Variants in PDE4D observed in about 807,000 individuals in gnomAD.
PDE4D encodes phosphodiesterase 4D.
In PDE4D, 24 loss-of-function variants were observed where a neutral mutation model predicts 87.4. That is an observed-to-expected ratio of 0.27 (90% confidence interval 0.20 to 0.39). The LOEUF is 0.39. PDE4D is among the 10% of genes least tolerant of loss of function. The pLI is 1.00. For synonymous variants in PDE4D, 384 were observed against 383.2 expected, an observed-to-expected ratio of 1.00 and a Z score of -0.02; for missense variants, 714 against 1,041.0, an observed-to-expected ratio of 0.69 and a Z score of 4.32.
intron 2 of PDE4D, among the ~76,000 whole-genome samples, chr5:60,099,034 A>G (rs189131708): frequency 1.3e-5 from 2 of 151,978 alleles, no homozygotes; most frequent in Non-Finnish European, 2.9e-5. Flanking sequence ...GAATGATTTT[A>G]TGTCTCTTCA....
chr5:59,395,139 C>T (rs1169609058), intron 1 of PDE4D, among the ~76,000 whole-genome samples: 2 of 151,704 alleles, frequency 1.3e-5, no homozygotes, highest in Non-Finnish European at 2.9e-5. Context: ...TGCAAGGCAG[C>T]GGCGAGGCTG....
intron 1 of PDE4D, among the ~76,000 whole-genome samples, chr5:59,804,273 T>C (rs1016837133): frequency 3.3e-5 from 5 of 152,240 alleles, no homozygotes; most frequent in Non-Finnish European, 7.3e-5. Flanking sequence ...AACATGATAT[T>C]TGGTTTTCCA....
At chr5:59,859,361 T>A (rs1381565844) in intron 1 of PDE4D, among the ~76,000 whole-genome samples, 1 of 152,186 alleles carries the variant, frequency 6.6e-6, no homozygotes, top group Non-Finnish European at 1.5e-5. Context: ...TGGTTTCTAA[T>A]GGTCATACTT....
At chr5:60,358,107 C>T (rs948166967) in intron 1 of PDE4D, among the ~76,000 whole-genome samples, 2 of 152,152 alleles carry the variant, frequency 1.3e-5, no homozygotes, top group Non-Finnish European at 2.9e-5. Flanking sequence ...AAGGGGAACC[C>T]AGGCAGTCTG....
In PDE4D at chr5:59,206,155, G is replaced by T. The variant is rs1412944076; in HGVS notation, c.647+9622C>A. Among the ~76,000 whole-genome samples the T allele has an allele frequency of 3.4e-5, 5 of 148,524 alleles. No homozygotes were observed. The East Asian group carries it at 7.7e-4, about 23-fold the overall frequency. The stretch of plus-strand genomic sequence containing the variant: ...TAGGTGGACACAAAGCCTAGGAGAT[G>T]CTGCAGTAGGCAGACGGAATAATTG... On this transcript the variant is annotated intron_variant, in intron 2 of 14. Transcript: ENST00000340635.
chr5:59,061,029 G>A (rs1763039340), intron 5 of PDE4D, among the ~76,000 whole-genome samples: 1 of 152,080 alleles, frequency 6.6e-6, no homozygotes, highest in South Asian at 2.1e-4. Flanking sequence ...TAATAAGGAT[G>A]TTCATATATT....
intron 1 of PDE4D, among the ~76,000 whole-genome samples, chr5:59,392,771 C>T (rs1029710026): frequency 6.6e-6 from 1 of 152,044 alleles, no homozygotes; most frequent in African/African-American, 2.4e-5. Context: ...CTGGCTCCTG[C>T]AGATATGTGA....
rs192730665 is a variant in PDE4D at position 59,538,818 on chromosome 5, G to A, written c.456-322850C>T. Among the ~76,000 whole-genome samples, 22 of 152,246 alleles carry A rather than the reference G, an allele frequency of 1.4e-4. No individual in the cohort carries two copies. The East Asian group carries it at 4.1e-3, about 28-fold the overall frequency. Reference sequence around the variant, plus strand: ...TCTCCCATCATTCTCCAGAGCATGTGCAACTGTCCTCTCTGCACCCTAAAC... The same window carrying A: ...TCTCCCATCATTCTCCAGAGCATGTACAACTGTCCTCTCTGCACCCTAAAC... On this transcript the variant is annotated intron_variant, in intron 1 of 14. Transcript: ENST00000340635.
intron 1 of PDE4D, among the ~76,000 whole-genome samples, chr5:59,733,464 A>G (rs150397063): frequency 2.0e-5 from 3 of 152,186 alleles, no homozygotes; most frequent in East Asian, 1.9e-4. Flanking sequence ...CCATACCCCA[A>G]TAAGGATGTA....
chr5:59,472,937 A>G (rs1456710507), intron 1 of PDE4D, among the ~76,000 whole-genome samples: 1 of 152,106 alleles, frequency 6.6e-6, no homozygotes, highest in African/African-American at 2.4e-5. Flanking sequence ...TACTTACATA[A>G]GATCCTCTCT....
At chr5:59,219,586 T>C (rs540632226) in intron 1 of PDE4D, among the ~76,000 whole-genome samples, 226 of 152,256 alleles carry the variant, frequency 1.5e-3, no homozygotes, top group Middle Eastern at 0.01. Flanking sequence ...CCTATGTCCT[T>C]AGATCAGCAC....
intron 2 of PDE4D, among the ~76,000 whole-genome samples, chr5:60,019,148 A>T (rs527663798): frequency 6.6e-6 from 1 of 152,334 alleles, no homozygotes; most frequent in Non-Finnish European, 1.5e-5. Flanking sequence ...ACCACATCAC[A>T]GTCAAACTGG....
At chr5:60,135,085 G>A (rs1779923188) in intron 2 of PDE4D, among the ~76,000 whole-genome samples, 2 of 152,162 alleles carry the variant, frequency 1.3e-5, no homozygotes, top group African/African-American at 4.8e-5. Context: ...TATATTCTAA[G>A]ACCTAATCAC....
intron 1 of PDE4D, among the ~76,000 whole-genome samples, chr5:59,704,745 C>A (rs917779183): frequency 6.6e-6 from 1 of 152,142 alleles, no homozygotes; most frequent in Non-Finnish European, 1.5e-5. Context: ...ATGAACAAGG[C>A]ATTCAGTAGG....
intron 1 of PDE4D, among the ~76,000 whole-genome samples, chr5:59,384,434 T>A (rs1308525583): frequency 6.6e-6 from 1 of 152,052 alleles, no homozygotes; most frequent in Non-Finnish European, 1.5e-5. Context: ...GCCAGAAGGA[T>A]CAACAAAGTC....
chr5:59,750,685 C>T (rs1019235752), intron 1 of PDE4D, among the ~76,000 whole-genome samples: 8 of 152,100 alleles, frequency 5.3e-5, no homozygotes, highest in African/African-American at 1.9e-4. Context: ...CCTATAATCC[C>T]AGCACTTTGG....
intron 1 of PDE4D, among the ~76,000 whole-genome samples, chr5:60,266,372 C>T (rs761440876): frequency 5.9e-5 from 9 of 152,126 alleles, no homozygotes; most frequent in Non-Finnish European, 1.2e-4. Flanking sequence ...AGAAGGAAAC[C>T]TTGAAGTTCA....
intron 3 of PDE4D, among the ~76,000 whole-genome samples, chr5:59,928,404 A>G (rs1356827087): frequency 6.6e-6 from 1 of 151,956 alleles, no homozygotes; most frequent in African/African-American, 2.4e-5. Flanking sequence ...ATCCTGAGAC[A>G]CCGTCTCTAC....
intron 1 of PDE4D, among the ~76,000 whole-genome samples, chr5:60,236,083 CTATT>C (rs1746394578): frequency 6.6e-6 from 1 of 151,748 alleles, no homozygotes; most frequent in Non-Finnish European, 1.5e-5. Context: ...TTGCACCTCA[CTATT>C]TATACAAAAA....
Sources: allele counts gnomAD v4.1 joint callset (sites outside exome capture counted in the v4.1 genomes callset), GRCh38; gene constraint gnomAD v4.1.1; transcripts MANE v1.5; gene names NCBI Gene and HGNC (gene_info 2026-07-23, HGNC 2026-07-21).